The following TRIM54 variants were observed in gnomAD, a reference collection of about 807,000 sequenced individuals.
TRIM54 encodes tripartite motif containing 54, also known as tripartite motif-containing protein 54.
In TRIM54, 40 loss-of-function variants were observed where a neutral mutation model predicts 42.0. The ratio of observed to expected loss-of-function variants is 0.95; its 90% CI spans 0.74 to 1.24. TRIM54 has a LOEUF of 1.24. TRIM54 is among the 50% of genes most tolerant of loss of function. TRIM54 has a pLI of 0.00. For synonymous variants in TRIM54, 199 were observed against 194.9 expected (o/e 1.02, Z -0.17); for missense variants, 485 against 480.3 (o/e 1.01, Z -0.09).
At chr2:27,300,758 C>T (rs1467536786) in intron 3 of TRIM54, among the ~76,000 whole-genome samples, 2 of 151,948 alleles carry the variant, frequency 1.3e-5, no homozygotes, top group Non-Finnish European at 2.9e-5. Context: ...CCCAGCTACT[C>T]GGGAGGCTGA....
chr2:27,306,015 T>G lies in TRIM54; in HGVS notation c.844-65T>G, dbSNP rs1679192611. ...CTACCCCGCAGGACTGTGGTGAGAT[T>G]CAGAAATGGGACTTTGCCCAGGTTG... On this transcript the variant is annotated intron_variant, in intron 5 of 8. Coordinates refer to ENST00000380075, the MANE Select transcript of TRIM54 (RefSeq NM_187841.3). This position sits in a 1 kb window ranked among gnomAD's most constrained non-coding sequence, Gnocchi z 6.1. 1 of 1,604,112 alleles carries G rather than the reference T, an allele frequency of 6.2e-7. No homozygotes were observed. The highest frequency in any genetic ancestry group is 8.5e-7 in the Non-Finnish European group (1 of 1,174,116).
intron 1 of TRIM54, among the ~76,000 whole-genome samples, chr2:27,288,414 A>G (rs1022342433): frequency 1.3e-5 from 2 of 152,250 alleles, no homozygotes; most frequent in Admixed American, 1.3e-4. Flanking sequence ...ATTAGATGCT[A>G]TGGAACATTA....
chr2:27,282,917 G>A lies in TRIM54; in HGVS notation c.168+18G>A. 2 of 1,598,938 alleles carry A rather than the reference G, an allele frequency of 1.3e-6. No homozygotes were observed. The highest frequency in any genetic ancestry group is 1.1e-5 in the South Asian group (1 of 87,100). ...TCTTCCAGGTGGGTGCCAGGGACGG[G>A]GCAGGGCCAGGTAAAGCAATGCAGA... On this transcript the variant is annotated intron_variant, in intron 1 of 8. Coordinates refer to ENST00000380075, the MANE Select transcript of TRIM54 (RefSeq NM_187841.3).
intron 1 of TRIM54, among the ~76,000 whole-genome samples, chr2:27,293,800 T>C (rs1678788355): frequency 6.6e-6 from 1 of 152,104 alleles, no homozygotes; most frequent in African/African-American, 2.4e-5. Flanking sequence ...GGTGGGTGGA[T>C]CACCTGAGGT....
intron 1 of TRIM54, among the ~76,000 whole-genome samples, chr2:27,290,074 G>A (rs1406215198): frequency 6.6e-6 from 1 of 151,588 alleles, no homozygotes; most frequent in African/African-American, 2.4e-5. Context: ...GTCTCATCAT[G>A]TTGGCCAGGC....
At chr2:27,297,744 C>T (rs1678904031) in intron 1 of TRIM54, among the ~76,000 whole-genome samples, 2 of 152,102 alleles carry the variant, frequency 1.3e-5, no homozygotes, top group Non-Finnish European at 2.9e-5. Context: ...ATTTGGGAGG[C>T]CGAGGTGGGA....
At chr2:27,283,763 G>GGCACACACGCGCGCGCGCGCGCGC (rs1302528330) in intron 1 of TRIM54, among the ~76,000 whole-genome samples, 1 of 103,782 alleles carries the variant, frequency 9.6e-6, no homozygotes, top group Admixed American at 1.1e-4. Flanking sequence ...GAGGGGCAAA[G>GGCACACACGCGCGCGCGCGCGCGC]GCACACACAC....
Position 27,305,108 on chromosome 2 carries a change from C to T in TRIM54, c.609+54C>T, listed in dbSNP as rs993724073. On this transcript the variant is annotated intron_variant, in intron 4 of 8. Transcript: ENST00000380075. ...CAGCAACTGGCTAGCCTGCGGACCC[C>T]GGGCTCCCAAGAGAACTGCTCCTCT... The T allele has an allele frequency of 6.1e-5, 91 of 1,502,084 alleles. No homozygotes were observed. The African/African-American group carries it at 8.0e-4, about 13-fold the overall frequency. 93.0% of individuals were successfully genotyped at this position (1,502,084 alleles called of 1,614,324 possible).
rs542347485 is a variant in TRIM54, at chr2:27,306,618, G to A, written c.*1+76G>A. ...GGTGGGGCCTGGCTGGTGTGCTCGC[G>A]TCCCCTCCCCCAGTGATTGCCCTCC... is the stretch of plus-strand genomic sequence containing the variant. On this transcript the variant is annotated intron_variant, in intron 8 of 8. Transcript: ENST00000380075. The surrounding 1 kb of genome is among the most constrained non-coding windows in gnomAD (Gnocchi z 6.1). The A allele has an allele frequency of 1.2e-5, 17 of 1,374,254 alleles. No individual in the cohort carries two copies. In the East Asian group the frequency reaches 4.0e-4, roughly 32 times the overall value. The allele number at this position is 1,374,254 out of a possible 1,614,324, so 85.1% of individuals were successfully genotyped here.
At chr2:27,286,915 A>G (rs1678583052) in intron 1 of TRIM54, among the ~76,000 whole-genome samples, 1 of 152,124 alleles carries the variant, frequency 6.6e-6, no homozygotes, top group Admixed American at 6.6e-5. Flanking sequence ...AACCACTTCT[A>G]CCCATTCTGA....
rs1679137943 is a variant in TRIM54, at chr2:27,304,706, G to T, written c.514-253G>T. 2.1e-5 allele frequency: 9 copies of T among 427,142 alleles called. No individual in the cohort carries two copies. The South Asian group carries it at 4.0e-4, about 19-fold the overall frequency. 26.5% of individuals were successfully genotyped at this position (427,142 alleles called of 1,614,324 possible). A position where few individuals can be genotyped will look rare whatever the true frequency, so the allele number is the denominator to read the frequency against. On this transcript the variant is annotated intron_variant, in intron 3 of 8. Transcript: ENST00000380075. ...GATAAAGTATCTAGCCCAGTGTCTG[G>T]TATCTGGTGGATGTTTGGAGACTGT...
intron 1 of TRIM54, among the ~76,000 whole-genome samples, chr2:27,283,764 GCACACACACACACACGCGCGCACACACA>G (rs1417456071): frequency 3.4e-5 from 4 of 117,866 alleles, no homozygotes; most frequent in African/African-American, 1.3e-4. Context: ...AGGGGCAAAG[GCACACACACACACACGCGCGCACACACA>G]CACACACACA....
At chr2:27,286,214 T>G (rs1051708888) in intron 1 of TRIM54, among the ~76,000 whole-genome samples, 1 of 152,004 alleles carries the variant, frequency 6.6e-6, no homozygotes, top group African/African-American at 2.4e-5. Context: ...AGACTGATCT[T>G]GAACTCCTGG....
chr2:27,284,756 A>G (rs1678511041), intron 1 of TRIM54, among the ~76,000 whole-genome samples: 1 of 152,138 alleles, frequency 6.6e-6, no homozygotes, highest in Admixed American at 6.5e-5. Flanking sequence ...GGAACTTGAA[A>G]TGTGTGAAAG....
chr2:27,302,549 T>G (rs1679064672), intron 3 of TRIM54, among the ~76,000 whole-genome samples: 1 of 152,172 alleles, frequency 6.6e-6, no homozygotes, highest in Non-Finnish European at 1.5e-5. Context: ...CCCAGCACTT[T>G]GGGAGGCCAA....
At chr2:27,303,946 C>T (rs1268304962) in intron 3 of TRIM54, among the ~76,000 whole-genome samples, 1 of 152,196 alleles carries the variant, frequency 6.6e-6, no homozygotes, top group Admixed American at 6.5e-5. Context: ...GGTGTGGTGG[C>T]TCACGCCGGT....
intron 3 of TRIM54, among the ~76,000 whole-genome samples, chr2:27,302,165 A>T (rs1168025864): frequency 6.6e-6 from 1 of 151,328 alleles, no homozygotes; most frequent in Non-Finnish European, 1.5e-5. Context: ...AAAATAAATA[A>T]ATAGGCCAGG....
intron 3 of TRIM54, among the ~76,000 whole-genome samples, chr2:27,302,045 T>C (rs527415101): frequency 6.6e-6 from 1 of 152,172 alleles, no homozygotes; most frequent in East Asian, 1.9e-4. Flanking sequence ...TCCCAGCTAC[T>C]TGGGAGGCTG....
intron 1 of TRIM54, among the ~76,000 whole-genome samples, chr2:27,283,747 G>C (rs1678453188): frequency 7.2e-6 from 1 of 139,514 alleles, no homozygotes; most frequent in African/African-American, 2.6e-5. Context: ...AGAGATCAGG[G>C]AGAGTGAGGG....
Sources: gnomAD v4.1 joint callset for allele counts (sites outside exome capture counted in the v4.1 genomes callset) on GRCh38, gnomAD v4.1.1 for gene constraint, Gnocchi (gnomAD v3.1) non-coding constraint, MANE v1.5 for transcripts, NCBI Gene and HGNC (gene_info 2026-07-23, HGNC 2026-07-21) for gene names.